COL27A1: variants seen among roughly 807,000 people sequenced by gnomAD.
COL27A1 encodes the protein collagen alpha-1(XXVII) chain.
COL27A1 carries 106 observed loss-of-function variants against 251.3 expected under a neutral mutation model. That is an observed-to-expected ratio of 0.42 (90% CI 0.36 to 0.50). COL27A1 has a LOEUF of 0.50. Ranked by LOEUF, COL27A1 falls within the 20% of genes least tolerant of loss-of-function variation. The pLI is 0.00. For synonymous variants in COL27A1, 1,000 were observed against 986.3 expected (o/e 1.01, Z -0.26); for missense variants, 2,325 against 2,522.8 (o/e 0.92, Z 1.68).
At chr9:114,169,487 G>T in intron 3 of COL27A1, 24 bp downstream of exon 3, 1 of 1,486,694 alleles carries the variant, frequency 6.7e-7, no homozygotes, top group Non-Finnish European at 9.0e-7. Flanking sequence ...GGGTCTGCAT[G>T]CTGCTTGGAG....
chr9:114,213,053 G>A lies in COL27A1; in HGVS notation c.2367+2027G>A, dbSNP rs141927566. Among the ~76,000 whole-genome samples the A allele has an allele frequency of 4.2e-3, 647 of 152,262 alleles. 5 individuals are homozygous for A. Among genetic ancestry groups the A allele is most frequent in the Non-Finnish European group, 4.9e-3 (331 of 68,010 alleles). ...TCCTTTACAGATGAGATCGCTTCTCGGAGAGGTAAATGATTAGGTCAAGGT... is the reference window on the plus strand; with the variant it reads ...TCCTTTACAGATGAGATCGCTTCTCAGAGAGGTAAATGATTAGGTCAAGGT... On this transcript the variant is annotated intron_variant, in intron 12 of 60. Transcript: ENST00000356083.
Position 114,309,435 on chromosome 9 carries a change from C to T in COL27A1, c.5393C>T (p.Ala1798Val), listed in dbSNP as rs991953008. ...FRAWNGQIFE[A>V]GGQFRPEVSM... is the part of the protein sequence containing the mutation. ...GCCTGGAATGGACAGATTTTTGAAG[C>T]TGGGGGTCAGTTCCGGCCCGAGGTG... The change falls in exon 60 of 61, where the codon GCT becomes GTT. Residue 1798 changes from alanine (A) to valine (V), a missense_variant. By Grantham distance (64) the Ala-to-Val change is moderately conservative. Coordinates refer to ENST00000356083, the MANE Select transcript of COL27A1 (RefSeq NM_032888.4). 6.2e-7 allele frequency: 1 copy of T among 1,613,960 alleles called. No individual in the cohort carries two copies. The highest frequency in any genetic ancestry group is 2.2e-5 in the East Asian group (1 of 44,884).
At chr9:114,292,231 A>G in intron 49 of COL27A1, 21 bp downstream of exon 49, 1 of 1,525,730 alleles carries the variant, frequency 6.6e-7, no homozygotes. Flanking sequence ...GCCAAAGAAT[A>G]CACATGCCCA....
At chr9:114,265,323 AG>A (rs1452271224) in intron 31 of COL27A1, 98 bp from the exon 32 acceptor site, 2 of 1,295,990 alleles carry the variant, frequency 1.5e-6, no homozygotes, top group Admixed American at 1.9e-5. Context: ...CCGGTGTGGG[AG>A]GAGGGGACCC....
intron 44 of COL27A1, 84 bp from the exon 45 acceptor site, chr9:114,289,158 C>T (rs1827727656): frequency 1.5e-6 from 2 of 1,323,868 alleles, no homozygotes; most frequent in Non-Finnish European, 2.1e-6. Context: ...CCCTCCCCAC[C>T]CCTCCCCCTC....
At chr9:114,216,959 C>G (rs1408444274) in intron 12 of COL27A1, among the ~76,000 whole-genome samples, 1 of 152,200 alleles carries the variant, frequency 6.6e-6, no homozygotes, top group Non-Finnish European at 1.5e-5. Flanking sequence ...AAGAGAACAG[C>G]TTCTGGAGTC....
intron 4 of COL27A1, among the ~76,000 whole-genome samples, chr9:114,181,368 G>A (rs777606687): frequency 6.6e-6 from 1 of 152,118 alleles, no homozygotes; most frequent in Non-Finnish European, 1.5e-5. Context: ...CGGTGCATTC[G>A]GAGAAGGGGA....
chr9:114,299,267 TG>T (rs1828453252), intron 49 of COL27A1, among the ~76,000 whole-genome samples: 1 of 150,482 alleles, frequency 6.6e-6, no homozygotes, highest in East Asian at 2.0e-4. Context: ...GGAGGTGACT[TG>T]CTCCTGGTCT....
intron 5 of COL27A1, among the ~76,000 whole-genome samples, chr9:114,183,561 T>TG (rs1360806466): frequency 6.6e-6 from 1 of 151,742 alleles, no homozygotes; most frequent in African/African-American, 2.4e-5. Context: ...CTTAGGGGTG[T>TG]GGGAGGAGGT....
Position 114,235,664 on chromosome 9 carries a change from A to G in COL27A1, c.2619+12A>G, listed in dbSNP as rs570498908. The G allele has an allele frequency of 1.2e-6, 2 of 1,608,860 alleles. No homozygotes were observed. Among genetic ancestry groups the G allele is most frequent in the Admixed American group, 3.3e-5 (2 of 59,980 alleles). On this transcript the variant is annotated intron_variant, in intron 17 of 60. Coordinates refer to ENST00000356083, the MANE Select transcript of COL27A1 (RefSeq NM_032888.4). Reference sequence around the variant, plus strand: ...TCCAAGGAGACAAGGTAATTGCATGAGATTTTCCCCTCCCCCTGCCCCTGC... The same window carrying G: ...TCCAAGGAGACAAGGTAATTGCATGGGATTTTCCCCTCCCCCTGCCCCTGC...
chr9:114,213,427 G>T (rs1830494763), intron 12 of COL27A1, among the ~76,000 whole-genome samples: 1 of 152,102 alleles, frequency 6.6e-6, no homozygotes, highest in South Asian at 2.1e-4. Context: ...CCAGGTTTGA[G>T]GTCCCATTAT....
intron 36 of COL27A1, among the ~76,000 whole-genome samples, 166 bp from the exon 37 acceptor site, chr9:114,275,495 C>G (rs1835436398): frequency 6.6e-6 from 1 of 152,164 alleles, no homozygotes; most frequent in South Asian, 2.1e-4. Flanking sequence ...GGCTTGGCAG[C>G]CGAGTCACAG....
chr9:114,302,748 G>A (rs1828746037), intron 56 of COL27A1, among the ~76,000 whole-genome samples: 1 of 150,296 alleles, frequency 6.7e-6, no homozygotes, highest in African/African-American at 2.5e-5. Flanking sequence ...AAAACAAAGA[G>A]AGTCGGGCCA....
chr9:114,275,927 C>T (rs1172801051), intron 37 of COL27A1, among the ~76,000 whole-genome samples, 159 bp downstream of exon 37: 1 of 152,248 alleles, frequency 6.6e-6, no homozygotes, highest in African/African-American at 2.4e-5. Context: ...AACCAATCTG[C>T]TCAATGCTCC....
intron 2 of COL27A1, among the ~76,000 whole-genome samples, chr9:114,165,649 TATCC>T (rs58004565): frequency 0.26 from 35,988 of 136,232 alleles, 4,753 homozygotes; most frequent in Middle Eastern, 0.43. Flanking sequence ...TCCATCCATT[TATCC>T]ATCCATCCAT....
intron 7 of COL27A1, among the ~76,000 whole-genome samples, chr9:114,196,390 T>C (rs546177529): frequency 1.6e-3 from 245 of 152,248 alleles, no homozygotes; most frequent in South Asian, 3.1e-3. Context: ...GGCCTGCGAG[T>C]CCTGTCTCTG....
chr9:114,282,806 G>T (rs1836009953), intron 39 of COL27A1, among the ~76,000 whole-genome samples: 1 of 152,220 alleles, frequency 6.6e-6, no homozygotes, highest in South Asian at 2.1e-4. Flanking sequence ...AATTTGAAGG[G>T]GTGTGTGGGT....
chr9:114,274,545 T>C (rs888389359), intron 36 of COL27A1, among the ~76,000 whole-genome samples: 7 of 152,316 alleles, frequency 4.6e-5, no homozygotes, highest in Middle Eastern at 3.4e-3. Context: ...GGTCCTGACA[T>C]GGTTAGTGCT....
rs756823539 is a variant in COL27A1, at chr9:114,240,464, C to T, written c.2812C>T (p.Pro938Ser). Residue 938 changes from proline to serine, a missense_variant, in exon 21 of 61, where the codon CCC becomes TCC. Coordinates refer to ENST00000356083, the MANE Select transcript of COL27A1 (RefSeq NM_032888.4). ...GKPGARGLPG[P>S]RGQLGPEGDE... Reference sequence around the variant, plus strand: ...GCCTGGAGCCCGAGGCCTGCCGGGACCCCGTGGGCAGCTGGGGCCCGAGGT... The same window carrying T: ...GCCTGGAGCCCGAGGCCTGCCGGGATCCCGTGGGCAGCTGGGGCCCGAGGT... 2 of 1,612,534 alleles carry T rather than the reference C, an allele frequency of 1.2e-6. No individual in the cohort carries two copies. Among genetic ancestry groups the T allele is most frequent in the Admixed American group, 1.7e-5 (1 of 59,998 alleles).
Sources: gnomAD v4.1 joint callset for allele counts (sites outside exome capture counted in the v4.1 genomes callset) on GRCh38, gnomAD v4.1.1 for gene constraint, MANE v1.5 for transcripts, NCBI Gene and HGNC (gene_info 2026-07-23, HGNC 2026-07-21) for gene names.